CPLX4: variants seen among roughly 807,000 people sequenced by gnomAD.
CPLX4 encodes complexin 4, also known as complexin-4.
Under a neutral mutation model 16.1 loss-of-function variants are expected in CPLX4, and 17 were observed. The observed-to-expected ratio is 1.06, with a 90% confidence interval of 0.72 to 1.59. The LOEUF is 1.59. Ranked by LOEUF, CPLX4 falls within the 40% of genes most tolerant of loss-of-function variation. The pLI is 0.00. For synonymous variants in CPLX4, 55 were observed against 57.8 expected (o/e 0.95, Z 0.22); for missense variants, 193 against 192.9 (o/e 1.00, Z 0.00).
At chr18:59,317,593 C>T (rs950089400) in intron 1 of CPLX4, among the ~76,000 whole-genome samples, 3 of 152,018 alleles carry the variant, frequency 2.0e-5, no homozygotes, top group African/African-American at 7.2e-5. Flanking sequence ...TACATGACAT[C>T]TGTAATTTAC....
At chr18:59,304,920 A>T (rs1311933896) in intron 2 of CPLX4, among the ~76,000 whole-genome samples, 1 of 123,628 alleles carries the variant, frequency 8.1e-6, no homozygotes, top group African/African-American at 3.3e-5. Context: ...TTTACTCAAC[A>T]ATCAGTGTGT....
rs552755615 is a variant in CPLX4, at chr18:59,304,734, G to GC, written c.256-7810dup. Among the ~76,000 whole-genome samples, 52 of 152,256 alleles carry GC rather than the reference G, an allele frequency of 3.4e-4. No individual in the cohort carries two copies. In the East Asian group the frequency reaches 5.6e-3, roughly 16 times the overall value. ...TTACAGGCATGCGCCACCATGCCCAGCTAATTTTTGTATTTTTAGTAGAGA... is the reference window on the plus strand; with the variant it reads ...TTACAGGCATGCGCCACCATGCCCAGCCTAATTTTTGTATTTTTAGTAGAGA... On this transcript the variant is annotated intron_variant, in intron 2 of 2. Transcript: ENST00000299721.
chr18:59,308,483 T>G (rs2144187035), intron 2 of CPLX4, among the ~76,000 whole-genome samples: 1 of 149,544 alleles, frequency 6.7e-6, no homozygotes, highest in East Asian at 1.9e-4. Context: ...TTTCCTTTTC[T>G]TTCTTTCTTT....
intron 2 of CPLX4, among the ~76,000 whole-genome samples, chr18:59,298,551 C>A (rs188620618): frequency 3.4e-4 from 52 of 150,760 alleles, no homozygotes; most frequent in African/African-American, 1.1e-3. Context: ...TAAAAAATGA[C>A]GATCTTAGTC....
rs775187540 is a variant in CPLX4 at position 59,296,691 on chromosome 18, C to T, written c.*7G>A. 5.6e-6 allele frequency: 9 copies of T among 1,609,272 alleles called. No individual in the cohort carries two copies. The highest frequency in any genetic ancestry group is 1.1e-5 in the South Asian group (1 of 90,586). On this transcript the variant is annotated 3_prime_UTR_variant, in exon 3 of 3. Coordinates refer to ENST00000299721, the MANE Select transcript of CPLX4 (RefSeq NM_181654.4). ...GGCTGGTTCCCTCCCTCCACCCCTC[C>T]CACCCCTCACATCACGGAACACTTC...
At chr18:59,308,008 C>T (rs2070589181) in intron 2 of CPLX4, among the ~76,000 whole-genome samples, 1 of 151,696 alleles carries the variant, frequency 6.6e-6, no homozygotes, top group Admixed American at 6.6e-5. Context: ...GAACTCTTGA[C>T]CTCAGGTGAT....
intron 1 of CPLX4, among the ~76,000 whole-genome samples, chr18:59,317,820 GT>G (rs11284122): frequency 0.12 from 16,999 of 140,308 alleles, 1,198 homozygotes; most frequent in African/African-American, 0.21. Flanking sequence ...TGCTTCCTGG[GT>G]TTTTTTTTTT....
At chr18:59,315,639 CT>C (rs1241305214) in intron 1 of CPLX4, among the ~76,000 whole-genome samples, 4 of 152,010 alleles carry the variant, frequency 2.6e-5, no homozygotes, top group East Asian at 1.9e-4. Flanking sequence ...TATTCTCCTA[CT>C]TTTTTTTCTA....
At chr18:59,309,524 A>C (rs1215992824) in intron 2 of CPLX4, among the ~76,000 whole-genome samples, 1 of 152,182 alleles carries the variant, frequency 6.6e-6, no homozygotes, top group African/African-American at 2.4e-5. Context: ...ACAGCTCAAA[A>C]TATTAAGAGT....
At position 59,312,927 on chromosome 18, in the gene CPLX4, G is replaced by A. The variant is rs879243279; in HGVS notation, c.168-155C>T. Among the ~76,000 whole-genome samples the A allele has an allele frequency of 3.9e-5, 6 of 152,100 alleles. No homozygotes were observed. The South Asian group carries it at 6.2e-4, about 16-fold the overall frequency. On this transcript the variant is annotated intron_variant, in intron 1 of 2. Coordinates refer to ENST00000299721, the MANE Select transcript of CPLX4 (RefSeq NM_181654.4). ...GGATTTTTTTCCTAGGTCCCCAAACGTCTGCCTCTCTGTTTGTTACTCTAC... is the reference window on the plus strand; with the variant it reads ...GGATTTTTTTCCTAGGTCCCCAAACATCTGCCTCTCTGTTTGTTACTCTAC...
intron 2 of CPLX4, among the ~76,000 whole-genome samples, chr18:59,300,744 AG>A (rs1376902931): frequency 6.6e-6 from 1 of 152,232 alleles, no homozygotes; most frequent in Non-Finnish European, 1.5e-5. Context: ...AGAGGTGGGC[AG>A]GGGAATTTGC....
chr18:59,297,859 T>C (rs1304321568), intron 2 of CPLX4, among the ~76,000 whole-genome samples: 1 of 152,226 alleles, frequency 6.6e-6, no homozygotes, highest in African/African-American at 2.4e-5. Context: ...GAGCCCGTCA[T>C]GGGCTCTTGT....
chr18:59,316,690 T>C (rs1171375365), intron 1 of CPLX4, among the ~76,000 whole-genome samples: 1 of 152,148 alleles, frequency 6.6e-6, no homozygotes, highest in Non-Finnish European at 1.5e-5. Flanking sequence ...AGTCTGCTGA[T>C]TGACTGTATG....
rs141110157 is a variant in CPLX4 at position 59,317,679 on chromosome 18, G to A, written c.167+617C>T. 2.0e-3 allele frequency among the ~76,000 whole-genome samples: 300 copies of A among 152,126 alleles called. 2 individuals carry two copies. The highest frequency in any genetic ancestry group is 6.8e-3 in the Middle Eastern group (2 of 292). The stretch of plus-strand genomic sequence containing the variant: ...GCAAACTGTAAGCTGTTGATTTTAT[G>A]TCATAGGTATATGTGGGTATTTGTC... On this transcript the variant is annotated intron_variant, in intron 1 of 2. Coordinates refer to ENST00000299721, the MANE Select transcript of CPLX4 (RefSeq NM_181654.4).
chr18:59,309,913 C>T (rs569017576), intron 2 of CPLX4, among the ~76,000 whole-genome samples: 2 of 150,770 alleles, frequency 1.3e-5, no homozygotes, highest in African/African-American at 4.9e-5. Context: ...CTTTTGTGAA[C>T]AAGCTGCTCT....
At chr18:59,308,162 A>G (rs188152374) in intron 2 of CPLX4, among the ~76,000 whole-genome samples, 2 of 152,246 alleles carry the variant, frequency 1.3e-5, no homozygotes, top group Admixed American at 6.5e-5. Flanking sequence ...CTACAGTTCA[A>G]TAACAACCAG....
At chr18:59,311,665 A>G (rs1568106804) in intron 2 of CPLX4, among the ~76,000 whole-genome samples, 1 of 152,208 alleles carries the variant, frequency 6.6e-6, no homozygotes, top group African/African-American at 2.4e-5. Flanking sequence ...ATGAAATTGA[A>G]TAACCAGCTC....
At chr18:59,304,539 CT>C (rs1285012673) in intron 2 of CPLX4, among the ~76,000 whole-genome samples, 3 of 151,924 alleles carry the variant, frequency 2.0e-5, no homozygotes, top group African/African-American at 7.3e-5. Context: ...TAAATTCTTT[CT>C]GTTGTGTTGA....
chr18:59,317,984 T>C (rs2070662461), intron 1 of CPLX4, among the ~76,000 whole-genome samples: 1 of 152,158 alleles, frequency 6.6e-6, no homozygotes, highest in Non-Finnish European at 1.5e-5. Context: ...CTACCACTTT[T>C]CATCTAAATA....
Sources: allele counts gnomAD v4.1 joint callset (sites outside exome capture counted in the v4.1 genomes callset), GRCh38; gene constraint gnomAD v4.1.1; transcripts MANE v1.5; gene names NCBI Gene and HGNC (gene_info 2026-07-23, HGNC 2026-07-21).